NIBAN1: variants seen among roughly 807,000 people sequenced by gnomAD.
NIBAN1 encodes protein Niban 1.
NIBAN1 carries 81 observed loss-of-function variants against 75.1 expected under a neutral mutation model. The observed-to-expected ratio is 1.08, with a 90% confidence interval of 0.90 to 1.30. The LOEUF (loss-of-function observed/expected upper bound fraction) is 1.30, where lower values mean the gene tolerates loss of function less well. Among genes scored for constraint, NIBAN1 ranks in the 50% most tolerant of loss-of-function variants. NIBAN1 has a pLI of 0.00. For synonymous variants in NIBAN1, 436 were observed against 424.8 expected (o/e 1.03, Z -0.32); for missense variants, 1,133 against 1,128.1 (o/e 1.00, Z -0.06).
intron 1 of NIBAN1, among the ~76,000 whole-genome samples, chr1:184,929,806 A>C (rs1174260932): frequency 6.6e-6 from 1 of 152,224 alleles, no homozygotes; most frequent in Non-Finnish European, 1.5e-5. Context: ...CTGATAGATC[A>C]AATTATCATG....
chr1:184,921,868 G>A (rs754565508), intron 1 of NIBAN1, among the ~76,000 whole-genome samples: 17 of 152,234 alleles, frequency 1.1e-4, no homozygotes, highest in South Asian at 4.1e-4. Flanking sequence ...TTTTCAGCAC[G>A]TAGGCTCAAC....
At chr1:184,844,795 T>A (rs1417650211) in intron 5 of NIBAN1, among the ~76,000 whole-genome samples, 1 of 152,266 alleles carries the variant, frequency 6.6e-6, no homozygotes, top group South Asian at 2.1e-4. Context: ...TGACCCATGA[T>A]CCATTTTCTT....
rs528048049 is a variant in NIBAN1 at position 184,801,842 on chromosome 1, A to G, written c.1554+1743T>C. On this transcript the variant is annotated intron_variant, in intron 12 of 13. Coordinates refer to ENST00000367511, the MANE Select transcript of NIBAN1 (RefSeq NM_052966.4). The stretch of plus-strand genomic sequence containing the variant: ...GCTAAATAATTCTGTGGGAAGGAGT[A>G]CTTTCTATGGACATATATACTGTCA... Among the ~76,000 whole-genome samples the G allele has an allele frequency of 3.3e-5, 5 of 152,370 alleles. No homozygotes were observed. The South Asian group carries it at 1.0e-3, about 32-fold the overall frequency.
intron 1 of NIBAN1, among the ~76,000 whole-genome samples, chr1:184,900,352 A>C (rs974497047): frequency 6.6e-6 from 1 of 152,146 alleles, no homozygotes; most frequent in Non-Finnish European, 1.5e-5. Context: ...CAGCTGTACA[A>C]CCTCAGTCAA....
At chr1:184,861,938 A>G (rs1456362083) in intron 5 of NIBAN1, among the ~76,000 whole-genome samples, 2 of 152,218 alleles carry the variant, frequency 1.3e-5, no homozygotes, top group Non-Finnish European at 2.9e-5. Context: ...TAGTACTGTC[A>G]GCTAGGGACT....
At chr1:184,818,533 GGAAGGAAA>G in intron 9 of NIBAN1, 97 bp downstream of exon 9, 1 of 1,134,826 alleles carries the variant, frequency 8.8e-7, no homozygotes, top group Non-Finnish European at 1.2e-6. Flanking sequence ...AAGAATGGAA[GGAAGGAAA>G]GAAGGGAGGA....
chr1:184,953,852 A>G (rs910833278), intron 1 of NIBAN1, among the ~76,000 whole-genome samples: 5 of 152,268 alleles, frequency 3.3e-5, no homozygotes, highest in Non-Finnish European at 7.3e-5. Flanking sequence ...TCAGAACTTA[A>G]CATTCCAGAA....
intron 1 of NIBAN1, among the ~76,000 whole-genome samples, chr1:184,940,186 G>C (rs1381568277): frequency 1.3e-5 from 2 of 152,106 alleles, no homozygotes; most frequent in Non-Finnish European, 2.9e-5. Context: ...GGACATTGGG[G>C]GTAACTGGCT....
intron 1 of NIBAN1, among the ~76,000 whole-genome samples, chr1:184,961,054 GTTCTTTTTTTTTTTTTTT>G (rs1557932190): frequency 2.2e-5 from 2 of 91,300 alleles, no homozygotes; most frequent in African/African-American, 1.0e-4. Context: ...TCTATATGCC[GTTCTTTTTTTTTTTTTTT>G]TTTTTTTTTT....
At chr1:184,926,501 G>A (rs1571579638) in intron 1 of NIBAN1, among the ~76,000 whole-genome samples, 1 of 152,172 alleles carries the variant, frequency 6.6e-6, no homozygotes, top group East Asian at 1.9e-4. Flanking sequence ...GCCTCCCAGA[G>A]TGCTGGGATT....
At chr1:184,906,097 C>A (rs1380870647) in intron 1 of NIBAN1, among the ~76,000 whole-genome samples, 1 of 150,354 alleles carries the variant, frequency 6.7e-6, no homozygotes, top group Non-Finnish European at 1.5e-5. Flanking sequence ...AAAAATTAGC[C>A]AAGTGTGGTG....
intron 5 of NIBAN1, among the ~76,000 whole-genome samples, chr1:184,882,496 C>T (rs74132067): frequency 6.6e-6 from 1 of 152,258 alleles, no homozygotes; most frequent in African/African-American, 2.4e-5. Flanking sequence ...CACATAAAGC[C>T]TCAGCGAGGA....
At chr1:184,831,791 G>A (rs570833020) in intron 6 of NIBAN1, 56 bp downstream of exon 6, 33 of 1,231,032 alleles carry the variant, frequency 2.7e-5, no homozygotes, top group Admixed American at 2.2e-4. Context: ...CCCTGACTTC[G>A]TATCACCCAA....
At chr1:184,930,624 A>G (rs1402853817) in intron 1 of NIBAN1, among the ~76,000 whole-genome samples, 1 of 152,246 alleles carries the variant, frequency 6.6e-6, no homozygotes, top group Non-Finnish European at 1.5e-5. Context: ...CAAGAAAATC[A>G]TACGACACCC....
chr1:184,794,831 G>A lies in NIBAN1; in HGVS notation c.*146C>T. On this transcript the variant is annotated 3_prime_UTR_variant, in exon 14 of 14. Transcript: ENST00000367511. Reference sequence around the variant, plus strand: ...ACAAAGGTTTGCCTCAGTTGCTCATGCCCTGTATGCATTTCCTCTGGTTTT... The same window carrying A: ...ACAAAGGTTTGCCTCAGTTGCTCATACCCTGTATGCATTTCCTCTGGTTTT... The A allele has an allele frequency of 9.7e-7, 1 of 1,032,572 alleles. No individual in the cohort carries two copies. Among genetic ancestry groups the A allele is most frequent in the Non-Finnish European group, 1.5e-6 (1 of 686,614 alleles). 64.0% of individuals were successfully genotyped at this position (1,032,572 alleles called of 1,614,324 possible). A position where few individuals can be genotyped will look rare whatever the true frequency, so the allele number is the denominator to read the frequency against.
At chr1:184,939,837 G>A (rs563603191) in intron 1 of NIBAN1, among the ~76,000 whole-genome samples, 10 of 152,206 alleles carry the variant, frequency 6.6e-5, no homozygotes, top group Admixed American at 2.0e-4. Context: ...TACTTAGAGC[G>A]CTGTGTCCCA....
intron 5 of NIBAN1, among the ~76,000 whole-genome samples, chr1:184,837,455 G>T (rs1275131404): frequency 6.6e-6 from 1 of 152,210 alleles, no homozygotes; most frequent in South Asian, 2.1e-4. Context: ...CTAGCTGAAG[G>T]TCACACAGCT....
intron 6 of NIBAN1, among the ~76,000 whole-genome samples, chr1:184,828,453 T>C (rs1654905184): frequency 6.6e-6 from 1 of 152,214 alleles, no homozygotes; most frequent in Admixed American, 6.5e-5. Flanking sequence ...TGCTATGCCA[T>C]TTTCTTTAAC....
At chr1:184,897,151 T>C (rs1320479062) in intron 2 of NIBAN1, among the ~76,000 whole-genome samples, 3 of 152,114 alleles carry the variant, frequency 2.0e-5, no homozygotes, top group Non-Finnish European at 4.4e-5. Flanking sequence ...ATTTTAATGA[T>C]AGTGATTTTT....
Sources: allele counts gnomAD v4.1 joint callset (sites outside exome capture counted in the v4.1 genomes callset), GRCh38; gene constraint gnomAD v4.1.1; transcripts MANE v1.5; gene names NCBI Gene and HGNC (gene_info 2026-07-23, HGNC 2026-07-21).